Variants in ZNF800 observed in about 807,000 individuals in gnomAD.
The protein encoded by ZNF800 is zinc finger protein 800.
In ZNF800, 13 loss-of-function variants were observed where a neutral mutation model predicts 59.5. The ratio of observed to expected loss-of-function variants is 0.22; its 90% CI spans 0.14 to 0.35. The LOEUF (loss-of-function observed/expected upper bound fraction) is 0.35. Ranked by LOEUF, ZNF800 falls within the 10% of genes least tolerant of loss-of-function variation. The pLI is 1.00. For missense variants in ZNF800, 621 were observed against 783.7 expected, an observed-to-expected ratio of 0.79 and a Z score of 2.48; for synonymous variants, 266 against 265.7, an observed-to-expected ratio of 1.00 and a Z score of -0.01.
At chr7:127,391,759 G>C in intron 1 of ZNF800, 144 bp from the exon 2 acceptor site, 1 of 622,012 alleles carries the variant, frequency 1.6e-6, no homozygotes, top group Non-Finnish European at 2.9e-6. Flanking sequence ...ACAGAAAGAC[G>C]CACAAACCCT....
At chr7:127,391,961 C>G (rs986629540) in intron 1 of ZNF800, 99 bp downstream of exon 1, 9 of 378,472 alleles carry the variant, frequency 2.4e-5, no homozygotes, top group African/African-American at 1.7e-4. Context: ...GTGCCGCTCC[C>G]GCCGGCTGCT....
chr7:127,356,280 TGAGA>T (rs202012438), intron 1 of ZNF800, among the ~76,000 whole-genome samples: 2 of 151,456 alleles, frequency 1.3e-5, no homozygotes, highest in African/African-American at 2.4e-5. Context: ...TATGTGTGTG[TGAGA>T]GAGAGAGAGT....
At chr7:127,344,507 G>A (rs555667174), downstream of ZNF800, among the ~76,000 whole-genome samples, 8 of 151,986 alleles carry the variant, frequency 5.3e-5, no homozygotes, top group East Asian at 5.8e-4. Context: ...CTTTTGGAAT[G>A]TGACCAAAAC....
At chr7:127,356,679 G>A (rs187531440) in intron 1 of ZNF800, among the ~76,000 whole-genome samples, 13 of 151,896 alleles carry the variant, frequency 8.6e-5, no homozygotes, top group Admixed American at 3.9e-4. Flanking sequence ...TGGATATTAG[G>A]CTTTAATGCT....
chr7:127,343,999 T>A (rs1403560782), downstream of ZNF800, among the ~76,000 whole-genome samples: 2 of 152,024 alleles, frequency 1.3e-5, no homozygotes, highest in Admixed American at 1.3e-4. Context: ...TATTTCAGTC[T>A]AAGAGCTAAC....
At position 127,374,661 on chromosome 7, in the gene ZNF800, A is replaced by G. The variant is rs148419952; in HGVS notation, c.675T>C (p.Asp225=). 251 of 1,613,972 alleles carry G rather than the reference A, an allele frequency of 1.6e-4. 1 individual carries two copies. In the African/African-American group the frequency reaches 3.2e-3, roughly 20 times the overall value. ...GACAACATATCAACTGGTGACCAAAATCAGAATTGTCAGAAGTTTCCAAGT... is the reference window on the plus strand; with the variant it reads ...GACAACATATCAACTGGTGACCAAAGTCAGAATTGTCAGAAGTTTCCAAGT... ...QADLETSDNS[D]FGHQLICCLC... is the part of the protein sequence containing the mutation. Residue 225 remains aspartate, a synonymous_variant, in exon 5 of 6, where the codon GAT becomes GAC. Transcript: ENST00000265827.
intron 1 of ZNF800, 147 bp from the exon 2 acceptor site, chr7:127,391,762 C>G: frequency 1.6e-6 from 1 of 622,898 alleles, no homozygotes; most frequent in Non-Finnish European, 2.9e-6. Context: ...GAAAGACGCA[C>G]AAACCCTCCT....
chr7:127,373,549 G>A lies in ZNF800; in HGVS notation c.1787C>T (p.Pro596Leu), dbSNP rs566464280. Residue 596 changes from proline to leucine, a missense_variant, in exon 5 of 6, where the codon CCT becomes CTT. Physicochemically the swap from Pro to Leu is moderately conservative, Grantham distance 98. This residue lies in a region of ZNF800 where 94 missense variants were observed against 108.5 expected (regional missense o/e 0.87). Coordinates refer to ENST00000265827, the MANE Select transcript of ZNF800 (RefSeq NM_176814.5). ...DSKHDGTSNS[P>L]SKKYEVADVG... Reference sequence around the variant, plus strand: ...GTCAGCTACTTCATACTTTTTACTAGGAGAGTTAGAAGTGCCATCATGTTT... The same window carrying A: ...GTCAGCTACTTCATACTTTTTACTAAGAGAGTTAGAAGTGCCATCATGTTT... The A allele has an allele frequency of 1.9e-6, 3 of 1,614,120 alleles. No individual in the cohort carries two copies. Among genetic ancestry groups the A allele is most frequent in the South Asian group, 1.1e-5 (1 of 91,082 alleles).
At position 127,391,939 on chromosome 7, in the gene ZNF800, G is replaced by A. The variant is rs566964834; in HGVS notation, c.-59+121C>T. 5 of 372,312 alleles carry A rather than the reference G, an allele frequency of 1.3e-5. No homozygotes were observed. In the South Asian group the frequency reaches 5.8e-4, roughly 43 times the overall value. The allele number at this position is 372,312 out of a possible 1,614,324, so 23.1% of individuals were successfully genotyped here. On this transcript the variant is annotated intron_variant, in intron 1 of 5. Transcript: ENST00000265827. ...AGCGCGGCGGGCACCGCCGGGCTCC[G>A]GGACTACGGAGGTGCCGCTCCCGCC...
chr7:127,353,565 T>C (rs937472672), intron 1 of ZNF800, among the ~76,000 whole-genome samples: 2 of 152,222 alleles, frequency 1.3e-5, no homozygotes, highest in Non-Finnish European at 2.9e-5. Flanking sequence ...TGGAGTCTAA[T>C]AGTATTTTCA....
At chr7:127,366,942 A>G (rs10954148), downstream of ZNF800, among the ~76,000 whole-genome samples, 97,788 of 152,040 alleles carry the variant, frequency 0.64, 31,863 homozygotes, top group East Asian at 0.86. Context: ...CAAGCTGTAC[A>G]GAAGGGGAAA....
In ZNF800 at chr7:127,371,786, A is replaced by C; in HGVS notation, c.*28T>G. On this transcript the variant is annotated 3_prime_UTR_variant, in exon 6 of 6. Transcript: ENST00000265827. ...AAGTCTTTCCACAAAAATGAACTCC[A>C]AACCTTTTCGTACATCACTTGAAGT... is the stretch of plus-strand genomic sequence containing the variant. 2.6e-6 allele frequency: 2 copies of C among 765,218 alleles called. No individual in the cohort carries two copies. Among genetic ancestry groups the C allele is most frequent in the South Asian group, 1.4e-5 (1 of 71,392 alleles). The allele number at this position is 765,218 out of a possible 1,614,324, so 47.4% of individuals were successfully genotyped here.
Position 127,390,801 on chromosome 7 carries a change from A to G in ZNF800, c.61+696T>C, listed in dbSNP as rs904361710. ...AGTTCTAAGTAGAACTGTCAACAGT[A>G]TATCAAGTTTATCAAATTAAAGTTT... is the stretch of plus-strand genomic sequence containing the variant. On this transcript the variant is annotated intron_variant, in intron 2 of 5. Transcript: ENST00000265827. Among the ~76,000 whole-genome samples, 10 of 152,302 alleles carry G rather than the reference A, an allele frequency of 6.6e-5. No homozygotes were observed. In the East Asian group the frequency reaches 1.9e-3, roughly 29 times the overall value.
At chr7:127,390,041 C>G (rs1275469282) in intron 2 of ZNF800, among the ~76,000 whole-genome samples, 1 of 152,008 alleles carries the variant, frequency 6.6e-6, no homozygotes, top group East Asian at 1.9e-4. Flanking sequence ...CACTTATATC[C>G]CCATTGCCTT....
intron 1 of ZNF800, among the ~76,000 whole-genome samples, chr7:127,356,745 C>A (rs1322062470): frequency 6.6e-6 from 1 of 151,432 alleles, no homozygotes; most frequent in Non-Finnish European, 1.5e-5. Flanking sequence ...ATTTTCAAAG[C>A]ATTAAAACAA....
intron 1 of ZNF800, chr7:127,359,651 G>A (rs1047987965): frequency 6.6e-6 from 1 of 152,054 alleles, no homozygotes; most frequent in Non-Finnish European, 1.5e-5. Context: ...CTGAACAGAT[G>A]ACTTACTTCC....
chr7:127,361,263 G>C (rs1800386962), intron 1 of ZNF800: 1 of 152,048 alleles, frequency 6.6e-6, no homozygotes, highest in Admixed American at 6.6e-5. Flanking sequence ...AGAAAAAAGA[G>C]CACGAATTTG....
At chr7:127,379,844 A>ACCCCCCCCCCCCCCCCCCCCC (rs1562907457) in intron 3 of ZNF800, among the ~76,000 whole-genome samples, 2 of 13,934 alleles carry the variant, frequency 1.4e-4, no homozygotes, top group Non-Finnish European at 1.4e-4. Flanking sequence ...CCACCCCCCC[A>ACCCCCCCCCCCCCCCCCCCCC]CCCCCCCACC....
At position 127,377,449 on chromosome 7, in the gene ZNF800, G is replaced by A. The variant is rs1382081658; in HGVS notation, c.158-120C>T. The A allele has an allele frequency of 2.8e-6, 2 of 706,110 alleles. No individual in the cohort carries two copies. The highest frequency in any genetic ancestry group is 6.3e-5 in the Admixed American group (2 of 31,932). The allele number at this position is 706,110 out of a possible 1,614,324, so 43.7% of individuals were successfully genotyped here. The stretch of plus-strand genomic sequence containing the variant: ...GTTACTCTTTGAAAACAAAATATAG[G>A]CATTGCCAATTTCCACCACAGTATA... On this transcript the variant is annotated intron_variant, in intron 3 of 5. Transcript: ENST00000265827. The surrounding 1 kb of genome is among the most constrained non-coding windows in gnomAD (Gnocchi z 4.7).
Sources: gnomAD v4.1 joint callset for allele counts (sites outside exome capture counted in the v4.1 genomes callset) on GRCh38, gnomAD v4.1.1 for gene constraint, gnomAD v4.1.1 regional missense constraint, Gnocchi (gnomAD v3.1) non-coding constraint, MANE v1.5 for transcripts, NCBI Gene and HGNC (gene_info 2026-07-23, HGNC 2026-07-21) for gene names.